The following KCNH8 variants were observed in gnomAD, a reference collection of about 807,000 sequenced individuals.
KCNH8 encodes the protein voltage-gated delayed rectifier potassium channel KCNH8.
In KCNH8, 70 loss-of-function variants were observed where a neutral mutation model predicts 103.6. The ratio of observed to expected loss-of-function variants is 0.68; its 90% CI spans 0.56 to 0.82. The LOEUF (loss-of-function observed/expected upper bound fraction) is 0.82, where lower values mean the gene tolerates loss of function less well. Ranked by LOEUF, KCNH8 falls within the 40% of genes least tolerant of loss-of-function variation. The pLI is 0.00. For synonymous variants in KCNH8, 498 were observed against 489.4 expected (o/e 1.02, Z -0.23); for missense variants, 1,217 against 1,329.9 (o/e 0.92, Z 1.32).
chr3:19,182,882 T>A (rs1234444930), intron 1 of KCNH8, among the ~76,000 whole-genome samples: 1 of 152,182 alleles, frequency 6.6e-6, no homozygotes, highest in Non-Finnish European at 1.5e-5. Context: ...GAGAAAAAAA[T>A]AGTTGTTTTT....
At chr3:19,487,249 G>A (rs570681548) in intron 11 of KCNH8, among the ~76,000 whole-genome samples, 7 of 152,310 alleles carry the variant, frequency 4.6e-5, no homozygotes, top group Admixed American at 4.6e-4. Flanking sequence ...TGATGCTAAA[G>A]AAGGCATCTT....
At chr3:19,310,583 G>C (rs2065195313) in intron 3 of KCNH8, among the ~76,000 whole-genome samples, 1 of 151,818 alleles carries the variant, frequency 6.6e-6, no homozygotes, top group Non-Finnish European at 1.5e-5. Flanking sequence ...AGCAGATCTG[G>C]AGGAGGTGAG....
chr3:19,316,656 G>A (rs140665625), intron 3 of KCNH8, among the ~76,000 whole-genome samples: 1 of 151,926 alleles, frequency 6.6e-6, no homozygotes, highest in African/African-American at 2.4e-5. Context: ...GGTTGTAATA[G>A]GAAGATTGTA....
At chr3:19,344,603 C>A (rs1443734212) in intron 4 of KCNH8, among the ~76,000 whole-genome samples, 1 of 151,998 alleles carries the variant, frequency 6.6e-6, no homozygotes, top group African/African-American at 2.4e-5. Flanking sequence ...TTGCCCTGTT[C>A]ACGTGTTCAC....
At chr3:19,230,711 CAG>C (rs1184330348) in intron 1 of KCNH8, among the ~76,000 whole-genome samples, 1 of 151,838 alleles carries the variant, frequency 6.6e-6, no homozygotes, top group East Asian at 1.9e-4. Flanking sequence ...CAAGAAAAAA[CAG>C]ATGGTTTGCA....
intron 11 of KCNH8, among the ~76,000 whole-genome samples, chr3:19,476,264 A>G (rs993141811): frequency 6.6e-6 from 1 of 152,150 alleles, no homozygotes; most frequent in Non-Finnish European, 1.5e-5. Context: ...CACTATCTTC[A>G]ACAGACAAGG....
At chr3:19,527,297 T>C (rs1288682567) in intron 15 of KCNH8, among the ~76,000 whole-genome samples, 4 of 152,088 alleles carry the variant, frequency 2.6e-5, no homozygotes, top group African/African-American at 7.2e-5. Flanking sequence ...AGAATAGTTA[T>C]AGAGATAACG....
intron 11 of KCNH8, among the ~76,000 whole-genome samples, chr3:19,494,651 T>C (rs544489012): frequency 6.6e-6 from 1 of 152,324 alleles, no homozygotes; most frequent in Admixed American, 6.5e-5. Flanking sequence ...TGAACAGTGC[T>C]GCAGTGAACA....
chr3:19,274,365 C>T (rs2064632640), intron 2 of KCNH8, among the ~76,000 whole-genome samples: 1 of 152,080 alleles, frequency 6.6e-6, no homozygotes, highest in Non-Finnish European at 1.5e-5. Context: ...TAGGTCCTTG[C>T]TGTGTGTGTT....
intron 11 of KCNH8, among the ~76,000 whole-genome samples, chr3:19,471,370 G>A (rs1193645038): frequency 1.3e-5 from 2 of 152,128 alleles, no homozygotes; most frequent in Non-Finnish European, 1.5e-5. Context: ...GCAGGAAGAG[G>A]GGGATGTGGA....
At chr3:19,423,579 TC>T (rs2066982258) in intron 7 of KCNH8, among the ~76,000 whole-genome samples, 1 of 152,046 alleles carries the variant, frequency 6.6e-6, no homozygotes, top group South Asian at 2.1e-4. Context: ...TCCAATTCCA[TC>T]CAGGTTGCTG....
chr3:19,409,314 C>G (rs2066739934), intron 7 of KCNH8, among the ~76,000 whole-genome samples: 1 of 151,996 alleles, frequency 6.6e-6, no homozygotes, highest in Admixed American at 6.6e-5. Context: ...GACAAGCAAG[C>G]ACTAAGGGAA....
At chr3:19,381,468 T>C (rs1159166520) in intron 5 of KCNH8, among the ~76,000 whole-genome samples, 6 of 152,154 alleles carry the variant, frequency 3.9e-5, no homozygotes, top group Admixed American at 2.6e-4. Flanking sequence ...CTTAATGACC[T>C]TGGGGTAGGC....
chr3:19,302,424 C>A (rs2065074638), intron 3 of KCNH8, among the ~76,000 whole-genome samples: 1 of 151,848 alleles, frequency 6.6e-6, no homozygotes, highest in Non-Finnish European at 1.5e-5. Flanking sequence ...GGCAATAAAC[C>A]CATTCTGTAA....
chr3:19,199,513 A>C (rs931359500), intron 1 of KCNH8, among the ~76,000 whole-genome samples: 5 of 150,894 alleles, frequency 3.3e-5, no homozygotes, highest in Non-Finnish European at 7.4e-5. Context: ...TTCATGAAGC[A>C]GAAATGTACT....
At chr3:19,247,911 C>T (rs2064226188) in intron 1 of KCNH8, among the ~76,000 whole-genome samples, 1 of 152,074 alleles carries the variant, frequency 6.6e-6, no homozygotes, top group Non-Finnish European at 1.5e-5. Context: ...TTGTATCTGC[C>T]TAATCTTCTT....
At chr3:19,384,804 G>GTT (rs2066335049) in intron 5 of KCNH8, among the ~76,000 whole-genome samples, 1 of 152,046 alleles carries the variant, frequency 6.6e-6, no homozygotes, top group Admixed American at 6.6e-5. Context: ...TACAAGAGCG[G>GTT]TTTTCTTTTT....
intron 2 of KCNH8, among the ~76,000 whole-genome samples, chr3:19,272,236 G>A (rs1381248649): frequency 6.6e-6 from 1 of 152,028 alleles, no homozygotes; most frequent in African/African-American, 2.4e-5. Flanking sequence ...GTTCTACCAA[G>A]GCTGCATGCA....
At chr3:19,423,249 C>T (rs1446169874) in intron 7 of KCNH8, among the ~76,000 whole-genome samples, 1 of 151,864 alleles carries the variant, frequency 6.6e-6, no homozygotes, top group Non-Finnish European at 1.5e-5. Context: ...TATCTTTTGC[C>T]TTATTATTTC....
Sources: allele counts gnomAD v4.1 joint callset (sites outside exome capture counted in the v4.1 genomes callset), GRCh38; gene constraint gnomAD v4.1.1; transcripts MANE v1.5; gene names NCBI Gene and HGNC (gene_info 2026-07-23, HGNC 2026-07-21).